Variants in TNFSF4 observed in about 807,000 individuals in gnomAD.
The protein encoded by TNFSF4 is tumor necrosis factor ligand superfamily member 4.
In TNFSF4, 4 loss-of-function variants were observed where a neutral mutation model predicts 7.3. The observed-to-expected ratio is 0.55, with a 90% CI of 0.27 to 1.25. TNFSF4 has a LOEUF of 1.25. TNFSF4 is among the 50% of genes most tolerant of loss of function. The pLI, the probability that TNFSF4 is intolerant of heterozygous loss-of-function variation, is 0.12. For missense variants in TNFSF4, 181 were observed against 208.8 expected (o/e 0.87, Z 0.82); for synonymous variants, 76 against 83.7 (o/e 0.91, Z 0.50).
At chr1:173,231,389 T>G in the TNFSF4 span, among the ~76,000 whole-genome samples, 1 of 152,150 alleles carries the variant, frequency 6.6e-6, no homozygotes, top group East Asian at 1.9e-4. Flanking sequence ...TTGACAAAAT[T>G]CAATAGCCCT....
At chr1:173,409,647 T>C in the TNFSF4 span, among the ~76,000 whole-genome samples, 530 of 152,366 alleles carry the variant, frequency 3.5e-3, 8 homozygotes, top group African/African-American at 0.012. Context: ...AACTGAACTA[T>C]TGTGTATTCC....
the TNFSF4 span, among the ~76,000 whole-genome samples, chr1:173,431,467 A>C: frequency 6.6e-6 from 1 of 152,198 alleles, no homozygotes; most frequent in Non-Finnish European, 1.5e-5. Context: ...TGGGGGCCCA[A>C]AATCAGCCTG....
chr1:173,343,929 T>C, the TNFSF4 span, among the ~76,000 whole-genome samples: 1 of 152,160 alleles, frequency 6.6e-6, no homozygotes, highest in Non-Finnish European at 1.5e-5. Context: ...AGACAGGTGT[T>C]AGAGACATTA....
the TNFSF4 span, among the ~76,000 whole-genome samples, chr1:173,410,268 A>T: frequency 6.6e-6 from 1 of 152,210 alleles, no homozygotes; most frequent in Non-Finnish European, 1.5e-5. Flanking sequence ...TAAGAAGTCC[A>T]CAATCCAGCA....
At chr1:173,244,433 G>A in the TNFSF4 span, among the ~76,000 whole-genome samples, 2 of 151,856 alleles carry the variant, frequency 1.3e-5, no homozygotes, top group African/African-American at 4.8e-5. Context: ...ACGAGGTCAG[G>A]AGATCGAGAC....
chr1:173,260,398 G>T, the TNFSF4 span, among the ~76,000 whole-genome samples: 1 of 152,244 alleles, frequency 6.6e-6, no homozygotes, highest in Non-Finnish European at 1.5e-5. Flanking sequence ...CACTGTAGTA[G>T]GCAGACCAAT....
chr1:173,352,294 A>T, the TNFSF4 span, among the ~76,000 whole-genome samples: 216 of 152,344 alleles, frequency 1.4e-3, 2 homozygotes, highest in African/African-American at 4.9e-3. Context: ...TGACCATGTT[A>T]GTCAAAAGTC....
the TNFSF4 span, among the ~76,000 whole-genome samples, chr1:173,275,997 C>T: frequency 6.6e-6 from 1 of 151,998 alleles, no homozygotes; most frequent in African/African-American, 2.4e-5. Context: ...TAACTGGTTG[C>T]CGTCAAAAAG....
the TNFSF4 span, among the ~76,000 whole-genome samples, chr1:173,439,880 G>A: frequency 1.4e-4 from 22 of 152,158 alleles, no homozygotes; most frequent in African/African-American, 5.1e-4. Context: ...AGATCTAACA[G>A]AAGAAAGCTT....
At chr1:173,374,476 C>G in the TNFSF4 span, among the ~76,000 whole-genome samples, 2 of 152,108 alleles carry the variant, frequency 1.3e-5, no homozygotes, top group Non-Finnish European at 2.9e-5. Context: ...CCTGAGGAAC[C>G]TGCATGACTG....
chr1:173,336,290 C>A, the TNFSF4 span, among the ~76,000 whole-genome samples: 1 of 152,328 alleles, frequency 6.6e-6, no homozygotes, highest in East Asian at 1.9e-4. Flanking sequence ...TTCCACCACA[C>A]TCCCATTCAA....
the TNFSF4 span, among the ~76,000 whole-genome samples, chr1:173,380,702 A>G: frequency 6.6e-6 from 1 of 152,084 alleles, no homozygotes; most frequent in African/African-American, 2.4e-5. Context: ...GATACAGAAC[A>G]ATTTTTTCTC....
the TNFSF4 span, among the ~76,000 whole-genome samples, chr1:173,331,142 C>G: frequency 1.3e-5 from 2 of 152,144 alleles, no homozygotes; most frequent in Non-Finnish European, 2.9e-5. Flanking sequence ...GCCTTGGCCT[C>G]CCAAAGTGCT....
the TNFSF4 span, among the ~76,000 whole-genome samples, chr1:173,288,882 G>GA: frequency 6.6e-6 from 1 of 151,950 alleles, no homozygotes; most frequent in East Asian, 1.9e-4. Flanking sequence ...TGTAAAACTA[G>GA]AAAAATATAT....
the TNFSF4 span, among the ~76,000 whole-genome samples, chr1:173,214,136 A>G: frequency 1.3e-5 from 2 of 152,182 alleles, no homozygotes. Context: ...GCATATGTTT[A>G]TTGTCCTGTC....
the TNFSF4 span, among the ~76,000 whole-genome samples, chr1:173,387,313 G>T: frequency 6.6e-6 from 1 of 152,140 alleles, no homozygotes; most frequent in Non-Finnish European, 1.5e-5. Context: ...CACCGTCTTG[G>T]ATGGGACTAA....
chr1:173,303,653 A>G, the TNFSF4 span, among the ~76,000 whole-genome samples: 1 of 151,896 alleles, frequency 6.6e-6, no homozygotes, highest in African/African-American at 2.4e-5. Flanking sequence ...TCAGAAGTGA[A>G]TAACGTAAAA....
the TNFSF4 span, among the ~76,000 whole-genome samples, chr1:173,410,658 A>T: frequency 1.3e-5 from 2 of 152,216 alleles, no homozygotes; most frequent in African/African-American, 4.8e-5. Flanking sequence ...TGTCTAAGTG[A>T]GCCCACGTGG....
chr1:173,417,533 G>A, the TNFSF4 span, among the ~76,000 whole-genome samples: 4 of 152,098 alleles, frequency 2.6e-5, no homozygotes, highest in African/African-American at 7.2e-5. Context: ...AGACTCTGAA[G>A]TTACAAGCCA....
Sources: gnomAD v4.1 joint callset for allele counts (sites outside exome capture counted in the v4.1 genomes callset) on GRCh38, gnomAD v4.1.1 for gene constraint, MANE v1.5 for transcripts, NCBI Gene and HGNC (gene_info 2026-07-23, HGNC 2026-07-21) for gene names.